MSH3: variants seen among roughly 807,000 people sequenced by gnomAD.
MSH3 encodes DNA mismatch repair protein Msh3.
A neutral mutation model predicts 123.3 loss-of-function variants in MSH3; 106 were observed. The ratio of observed to expected loss-of-function variants is 0.86; its 90% CI spans 0.73 to 1.01. The LOEUF (loss-of-function observed/expected upper bound fraction) is 1.01, where lower values mean the gene tolerates loss of function less well. Among genes scored for constraint, MSH3 ranks in the 50% least tolerant of loss-of-function variants. The probability of loss-of-function intolerance (pLI) is 0.00; values close to 1 mark genes in which losing one functional copy is unlikely to be tolerated. For missense variants in MSH3, 1,459 were observed against 1,347.6 expected (o/e 1.08, Z -1.29); for synonymous variants, 515 against 481.4 (o/e 1.07, Z -0.91).
intron 2 of MSH3, among the ~76,000 whole-genome samples, chr5:80,662,709 C>A (rs544892515): frequency 6.6e-6 from 1 of 152,064 alleles, no homozygotes; most frequent in East Asian, 1.9e-4. Context: ...CACCTGTAAT[C>A]CCAGCTATTC....
At chr5:80,732,468 C>T (rs1743429323) in intron 10 of MSH3, among the ~76,000 whole-genome samples, 1 of 152,118 alleles carries the variant, frequency 6.6e-6, no homozygotes, top group Non-Finnish European at 1.5e-5. Context: ...AAGCTACTCT[C>T]ATGACATCTA....
intron 19 of MSH3, among the ~76,000 whole-genome samples, chr5:80,796,708 C>T (rs1744704646): frequency 6.6e-6 from 1 of 152,086 alleles, no homozygotes; most frequent in South Asian, 2.1e-4. Flanking sequence ...TATTATAGTG[C>T]TTCTGAATAA....
intron 16 of MSH3, among the ~76,000 whole-genome samples, 153 bp from the exon 17 acceptor site, chr5:80,778,567 T>C (rs1470489499): frequency 6.6e-6 from 1 of 152,232 alleles, no homozygotes; most frequent in African/African-American, 2.4e-5. Flanking sequence ...ATCAGTAGAG[T>C]TCAGGACCAT....
intron 19 of MSH3, among the ~76,000 whole-genome samples, chr5:80,808,046 T>C (rs1744923323): frequency 6.6e-6 from 1 of 152,236 alleles, no homozygotes; most frequent in Non-Finnish European, 1.5e-5. Flanking sequence ...AAAAGTGTTC[T>C]CTATAAAGGG....
rs981684978 is a variant in MSH3, at chr5:80,814,609, A to G, written c.2813+868A>G. ...GAAGAAAATCTTTTGTAGAAAATCA[A>G]TATTTAAGCAGATAAAAACAGATCT... is the stretch of plus-strand genomic sequence containing the variant. On this transcript the variant is annotated intron_variant, in intron 20 of 23. Transcript: ENST00000265081. 5.9e-5 allele frequency among the ~76,000 whole-genome samples: 9 copies of G among 152,334 alleles called. No individual in the cohort carries two copies. The East Asian group carries it at 9.6e-4, about 16-fold the overall frequency.
chr5:80,763,460 C>T (rs768984707), intron 13 of MSH3, among the ~76,000 whole-genome samples: 5 of 152,204 alleles, frequency 3.3e-5, no homozygotes, highest in Non-Finnish European at 4.4e-5. Context: ...TGCTGATAGT[C>T]GCAAGTTTTA....
At chr5:80,756,819 A>G (rs1464945430) in intron 12 of MSH3, among the ~76,000 whole-genome samples, 1 of 152,188 alleles carries the variant, frequency 6.6e-6, no homozygotes, top group Admixed American at 6.5e-5. Context: ...GAATGTAAGA[A>G]TGAATGGTGT....
At chr5:80,685,045 G>C (rs369101751) in intron 8 of MSH3, among the ~76,000 whole-genome samples, 131 of 151,934 alleles carry the variant, frequency 8.6e-4, no homozygotes, top group African/African-American at 2.8e-3. Flanking sequence ...TTTTTAATGT[G>C]TTGTTGAATT....
Position 80,744,404 on chromosome 5 carries a change from T to C in MSH3, c.1654-102T>C. The C allele has an allele frequency of 1.1e-5, 9 of 795,454 alleles. No homozygotes were observed. In the South Asian group the frequency reaches 1.4e-4, roughly 12 times the overall value. 49.3% of individuals were successfully genotyped at this position (795,454 alleles called of 1,614,324 possible). On this transcript the variant is annotated intron_variant, in intron 11 of 23. Transcript: ENST00000265081. The stretch of plus-strand genomic sequence containing the variant: ...AAATGAACACCTGTTATGAGCCACA[T>C]TGTGCTAGGTATATATGACATTTAG...
intron 10 of MSH3, among the ~76,000 whole-genome samples, chr5:80,729,646 C>A (rs1015503814): frequency 2.6e-5 from 4 of 151,698 alleles, no homozygotes; most frequent in African/African-American, 9.7e-5. Context: ...TTTCATAGAC[C>A]ATGAAGTTAG....
chr5:80,813,398 C>G (rs1745042951), intron 19 of MSH3, among the ~76,000 whole-genome samples, 186 bp from the exon 20 acceptor site: 1 of 152,228 alleles, frequency 6.6e-6, no homozygotes, highest in South Asian at 2.1e-4. Flanking sequence ...GCTGTGTGTA[C>G]TGCTAAGAAT....
chr5:80,831,271 ATT>A (rs1284605754), intron 20 of MSH3, among the ~76,000 whole-genome samples: 1 of 152,222 alleles, frequency 6.6e-6, no homozygotes, highest in Non-Finnish European at 1.5e-5. Flanking sequence ...TAAAAATAAC[ATT>A]TGTTTTTCTA....
chr5:80,759,631 A>G (rs1463326259), intron 12 of MSH3, among the ~76,000 whole-genome samples: 1 of 152,198 alleles, frequency 6.6e-6, no homozygotes, highest in African/African-American at 2.4e-5. Flanking sequence ...CAAGTCACAG[A>G]TGAGTTTAAA....
At chr5:80,687,540 A>G (rs1488962704) in intron 8 of MSH3, among the ~76,000 whole-genome samples, 2 of 152,006 alleles carry the variant, frequency 1.3e-5, no homozygotes, top group Non-Finnish European at 2.9e-5. Context: ...AGGCTGGTAC[A>G]TTTGCAGAAT....
Position 80,665,359 on chromosome 5 carries a change from A to G in MSH3, c.575A>G (p.Gln192Arg), listed in dbSNP as rs1749547537. The change falls in exon 3 of 24, where the codon CAA (glutamine) becomes CGA (arginine). Residue 192 changes from glutamine (Q) to arginine (R), a missense_variant. Coordinates refer to ENST00000265081, the MANE Select transcript of MSH3 (RefSeq NM_002439.5). The part of the protein sequence containing the change: ...SSEDSKRQIN[Q>R]KDTTLFDLSQ... ...GAAGATTCGAAACGTCAAATTAATC[A>G]AAAGGTATGTAACTGCTATAGATGA... The G allele has an allele frequency of 6.2e-7, 1 of 1,609,918 alleles. No individual in the cohort carries two copies.
At chr5:80,715,583 T>C (rs189339507) in intron 8 of MSH3, among the ~76,000 whole-genome samples, 127 of 149,374 alleles carry the variant, frequency 8.5e-4, no homozygotes, top group African/African-American at 3.1e-3. Flanking sequence ...TATAAAGAAC[T>C]ACCTGAGACT....
At chr5:80,695,415 A>G (rs949862648) in intron 8 of MSH3, among the ~76,000 whole-genome samples, 3 of 150,894 alleles carry the variant, frequency 2.0e-5, no homozygotes, top group African/African-American at 7.3e-5. Flanking sequence ...GCTCACTGCA[A>G]CCTCCGCCCC....
At chr5:80,783,605 A>T (rs548174277) in intron 17 of MSH3, among the ~76,000 whole-genome samples, 12 of 152,240 alleles carry the variant, frequency 7.9e-5, no homozygotes, top group African/African-American at 2.9e-4. Flanking sequence ...AGCTGTGTTA[A>T]CTCATTTCCA....
intron 19 of MSH3, among the ~76,000 whole-genome samples, chr5:80,795,135 A>G (rs180829861): frequency 1.3e-5 from 2 of 152,290 alleles, no homozygotes; most frequent in South Asian, 2.1e-4. Context: ...GTAACAGAGT[A>G]TTCTACCTCG....
Sources: allele counts gnomAD v4.1 joint callset (sites outside exome capture counted in the v4.1 genomes callset), GRCh38; gene constraint gnomAD v4.1.1; transcripts MANE v1.5; gene names NCBI Gene and HGNC (gene_info 2026-07-23, HGNC 2026-07-21).